Variants in ZFHX3 observed in about 807,000 individuals in gnomAD.
ZFHX3 encodes zinc finger homeobox 3, also known as zinc finger homeobox protein 3.
Under a neutral mutation model 279.1 loss-of-function variants are expected in ZFHX3, and 42 were observed. The observed-to-expected ratio is 0.15, with a 90% CI of 0.12 to 0.19. The LOEUF is 0.19. ZFHX3 is among the 10% of genes least tolerant of loss of function. ZFHX3 has a pLI of 1.00. For synonymous variants in ZFHX3, 2,293 were observed against 1,957.8 expected (o/e 1.17, Z -4.52); for missense variants, 4,981 against 4,754.0 (o/e 1.05, Z -1.40).
intron 1 of ZFHX3, among the ~76,000 whole-genome samples, chr16:73,722,386 C>T (rs1337451663): frequency 6.6e-6 from 1 of 152,184 alleles, no homozygotes; most frequent in Non-Finnish European, 1.5e-5. Context: ...ATCTGAGACG[C>T]CAGCACTATT....
At chr16:73,273,542 T>A (rs2143034787) in intron 4 of ZFHX3, among the ~76,000 whole-genome samples, 1 of 152,326 alleles carries the variant, frequency 6.6e-6, no homozygotes, top group Non-Finnish European at 1.5e-5. Flanking sequence ...TTTTTTCTTT[T>A]CTTTACGCAA....
intron 4 of ZFHX3, among the ~76,000 whole-genome samples, chr16:72,835,549 T>C (rs184915844): frequency 1.1e-4 from 16 of 152,342 alleles, no homozygotes; most frequent in African/African-American, 2.2e-4. Context: ...ACTTTGAAGA[T>C]AGAGTTAAAG....
At position 72,788,116 on chromosome 16, in the gene ZFHX3, TGCTGCTGCTGTAGTTGCC is replaced by T. The variant is rs753129479; in HGVS notation, c.10142_10159del (p.Arg3381_Gln3386del). 6.9e-6 allele frequency: 11 copies of T among 1,596,598 alleles called. No individual in the cohort carries two copies. The highest frequency in any genetic ancestry group is 2.2e-5 in the East Asian group (1 of 44,736). On this transcript the variant is annotated inframe_deletion, in exon 10 of 10. Transcript: ENST00000268489. ...CTGCTGCTGCTGCACTTTTTGCTGC[TGCTGCTGCTGTAGTTGCC>T]GCTGCTGCTGCTGCTGAATTGCCTC...
intron 3 of ZFHX3, among the ~76,000 whole-genome samples, chr16:73,446,908 C>A (rs778800687): frequency 6.6e-6 from 1 of 152,034 alleles, no homozygotes; most frequent in South Asian, 2.1e-4. Context: ...AGGCTGGGCA[C>A]GGTGGCTCAC....
chr16:73,209,294 G>A (rs1395514988), intron 5 of ZFHX3, among the ~76,000 whole-genome samples: 1 of 152,154 alleles, frequency 6.6e-6, no homozygotes, highest in African/African-American at 2.4e-5. Flanking sequence ...CATTGTCTTA[G>A]TCTGTTTGTG....
intron 2 of ZFHX3, among the ~76,000 whole-genome samples, chr16:73,527,991 G>T (rs1034834966): frequency 4.6e-5 from 7 of 152,212 alleles, no homozygotes; most frequent in African/African-American, 1.7e-4. Flanking sequence ...GGAGTAATTT[G>T]TTATGTATCA....
intron 1 of ZFHX3, among the ~76,000 whole-genome samples, chr16:73,824,537 G>T (rs1217886500): frequency 9.3e-6 from 1 of 107,174 alleles, no homozygotes; most frequent in African/African-American, 3.7e-5. Context: ...ATCTCCCAAT[G>T]CTATCCCTCC....
intron 4 of ZFHX3, among the ~76,000 whole-genome samples, chr16:72,836,235 G>C (rs1192262206): frequency 2.0e-5 from 3 of 152,172 alleles, no homozygotes; most frequent in Non-Finnish European, 4.4e-5. Flanking sequence ...CGAGCAAGTG[G>C]AGTCTCATCG....
At chr16:73,635,130 A>G (rs1385530145) in intron 2 of ZFHX3, among the ~76,000 whole-genome samples, 2 of 152,184 alleles carry the variant, frequency 1.3e-5, no homozygotes, top group African/African-American at 4.8e-5. Flanking sequence ...TCAAATTTGC[A>G]AACTATCATG....
At chr16:73,580,570 C>T (rs2051851144) in intron 2 of ZFHX3, among the ~76,000 whole-genome samples, 1 of 150,470 alleles carries the variant, frequency 6.6e-6, no homozygotes, top group Non-Finnish European at 1.5e-5. Context: ...CTTAGAAATA[C>T]CACTCATATA....
intron 2 of ZFHX3, among the ~76,000 whole-genome samples, chr16:73,656,248 C>T (rs2052719928): frequency 6.6e-6 from 1 of 152,204 alleles, no homozygotes; most frequent in Non-Finnish European, 1.5e-5. Flanking sequence ...CAAAAATTTT[C>T]ACCAGGTGGC....
At chr16:72,942,657 C>T (rs1015421294) in intron 3 of ZFHX3, among the ~76,000 whole-genome samples, 4 of 152,136 alleles carry the variant, frequency 2.6e-5, no homozygotes, top group African/African-American at 7.2e-5. Flanking sequence ...GGAAATATGT[C>T]GACAGAGTCA....
intron 1 of ZFHX3, among the ~76,000 whole-genome samples, chr16:73,797,146 TG>T (rs764233421): frequency 1.6e-4 from 24 of 152,052 alleles, no homozygotes; most frequent in Admixed American, 2.6e-4. Context: ...GAGGTGGCAG[TG>T]AGCCAAGATC....
chr16:72,826,066 C>G (rs1367106699), intron 5 of ZFHX3, among the ~76,000 whole-genome samples: 2 of 152,158 alleles, frequency 1.3e-5, no homozygotes, highest in Non-Finnish European at 2.9e-5. Flanking sequence ...GGAACTCTGC[C>G]CAGTGCCTCG....
At chr16:73,765,136 C>T (rs1438465434) in intron 1 of ZFHX3, among the ~76,000 whole-genome samples, 2 of 152,158 alleles carry the variant, frequency 1.3e-5, no homozygotes, top group African/African-American at 2.4e-5. Context: ...TAGCCTTGCC[C>T]TCCTGCTTCC....
At chr16:72,884,757 G>A (rs2038579750) in intron 4 of ZFHX3, among the ~76,000 whole-genome samples, 1 of 152,126 alleles carries the variant, frequency 6.6e-6, no homozygotes, top group South Asian at 2.1e-4. Flanking sequence ...TTTTAAATAA[G>A]CAAACAGGGA....
intron 3 of ZFHX3, among the ~76,000 whole-genome samples, chr16:73,448,316 C>T (rs537104898): frequency 2.0e-5 from 3 of 151,980 alleles, no homozygotes; most frequent in Admixed American, 6.6e-5. Flanking sequence ...AGTACTATGC[C>T]GTAGAATAGT....
chr16:72,873,623 A>G (rs1159961600), intron 4 of ZFHX3, among the ~76,000 whole-genome samples: 1 of 152,164 alleles, frequency 6.6e-6, no homozygotes, highest in Non-Finnish European at 1.5e-5. Flanking sequence ...TCTGCTCCTT[A>G]CACTTCAAGT....
Position 72,788,252 on chromosome 16 carries a change from A to C in ZFHX3, c.10024T>G (p.Phe3342Val). ...LQPMYGMEGL[F>V]PYSPALSQAL... is the part of the protein sequence containing the mutation. Reference sequence around the variant, plus strand: ...TGCGACAGTGCAGGGCTGTAGGGGAACAGGCCTTCCATGCCATACATAGGC... The same window carrying C: ...TGCGACAGTGCAGGGCTGTAGGGGACCAGGCCTTCCATGCCATACATAGGC... The change falls in exon 10 of 10, where the codon TTC (phenylalanine) becomes GTC (valine). Residue 3342 changes from phenylalanine to valine, a missense_variant. Physicochemically the swap from Phe to Val is conservative, Grantham distance 50. This residue lies in a region of ZFHX3 where 1,034 missense variants were observed against 786.0 expected (regional missense o/e 1.32). Coordinates refer to ENST00000268489, the MANE Select transcript of ZFHX3 (RefSeq NM_006885.4). 2 of 1,614,164 alleles carry C rather than the reference A, an allele frequency of 1.2e-6. No homozygotes were observed. Among genetic ancestry groups the C allele is most frequent in the Admixed American group, 1.7e-5 (1 of 60,032 alleles).
Sources: allele counts gnomAD v4.1 joint callset (sites outside exome capture counted in the v4.1 genomes callset), GRCh38; gene constraint gnomAD v4.1.1; regional missense constraint gnomAD v4.1.1; transcripts MANE v1.5; gene names NCBI Gene and HGNC (gene_info 2026-07-23, HGNC 2026-07-21).